The following CDC42BPA variants were observed in gnomAD, a reference collection of about 807,000 sequenced individuals.
The protein encoded by CDC42BPA is CDC42 binding protein kinase alpha.
CDC42BPA carries 80 observed loss-of-function variants against 223.5 expected under a neutral mutation model. The ratio of observed to expected loss-of-function variants is 0.36; its 90% CI spans 0.30 to 0.43. The LOEUF is 0.43. Ranked by LOEUF, CDC42BPA falls within the 20% of genes least tolerant of loss-of-function variation. CDC42BPA has a pLI of 1.00. For synonymous variants in CDC42BPA, 694 were observed against 718.6 expected (o/e 0.97, Z 0.55); for missense variants, 1,743 against 2,099.9 (o/e 0.83, Z 3.32).
chr1:227,263,306 T>G (rs1684412924), intron 1 of CDC42BPA, among the ~76,000 whole-genome samples: 1 of 152,196 alleles, frequency 6.6e-6, no homozygotes, highest in Non-Finnish European at 1.5e-5. Context: ...ATATAGTAGT[T>G]TATATAATAA....
At chr1:227,034,864 T>TA in intron 25 of CDC42BPA, 70 bp from the exon 26 acceptor site, 6 of 1,401,138 alleles carry the variant, frequency 4.3e-6, no homozygotes, top group Non-Finnish European at 5.9e-6. Context: ...ATTACATATG[T>TA]AATTGCATGG....
chr1:227,195,721 A>G (rs965748677), intron 4 of CDC42BPA, among the ~76,000 whole-genome samples: 1 of 151,944 alleles, frequency 6.6e-6, no homozygotes, highest in Admixed American at 6.6e-5. Context: ...TATTGTTCTG[A>G]TTGGTTAATT....
chr1:227,168,343 T>G (rs761545081), intron 5 of CDC42BPA, among the ~76,000 whole-genome samples: 1 of 152,152 alleles, frequency 6.6e-6, no homozygotes. Flanking sequence ...TATTTTCTAA[T>G]GAGAATTCAT....
chr1:227,249,132 C>A (rs1430030728), intron 2 of CDC42BPA, among the ~76,000 whole-genome samples: 1 of 152,134 alleles, frequency 6.6e-6, no homozygotes, highest in African/African-American at 2.4e-5. Context: ...AGGAAATCCA[C>A]ATACATACAG....
chr1:227,110,994 G>A (rs1286210508), intron 14 of CDC42BPA, among the ~76,000 whole-genome samples: 1 of 152,108 alleles, frequency 6.6e-6, no homozygotes, highest in Non-Finnish European at 1.5e-5. Context: ...CTTTGCCAGG[G>A]CCAAATTAAC....
rs140048962 is a variant in CDC42BPA, at chr1:226,994,475, C to A, written c.5134-76G>T. On this transcript the variant is annotated intron_variant, in intron 36 of 36. Transcript: ENST00000366766. This position sits in a 1 kb window ranked among gnomAD's most constrained non-coding sequence, Gnocchi z 4.0. ...GCAGAAGGGGCTCAGATTACCACCG[C>A]CCCCTCCAGCCACCCTGACCAAATA... 2 of 1,434,388 alleles carry A rather than the reference C, an allele frequency of 1.4e-6. No homozygotes were observed. Among genetic ancestry groups the A allele is most frequent in the Non-Finnish European group, 9.2e-7 (1 of 1,086,016 alleles). 88.9% of individuals were successfully genotyped at this position (1,434,388 alleles called of 1,614,324 possible). A position where few individuals can be genotyped will look rare whatever the true frequency, so the allele number is the denominator to read the frequency against.
chr1:227,267,376 G>T (rs1338703389), intron 1 of CDC42BPA, among the ~76,000 whole-genome samples: 2 of 152,170 alleles, frequency 1.3e-5, no homozygotes, highest in Non-Finnish European at 2.9e-5. Context: ...TGTGAGAGGG[G>T]AAGGAATAGT....
rs1280712426 is a variant in CDC42BPA at position 227,226,639 on chromosome 1, T to C, written c.271-13420A>G. ...GACCAGCCAAGAAATATTCAGTTAC[T>C]GAAGAATAAGAGCCAGGAACATTGA... On this transcript the variant is annotated intron_variant, in intron 2 of 36. Coordinates refer to ENST00000366766, the MANE Select transcript of CDC42BPA (RefSeq NM_001394014.1). Among the ~76,000 whole-genome samples, 3 of 152,288 alleles carry C rather than the reference T, an allele frequency of 2.0e-5. No homozygotes were observed. In the East Asian group the frequency reaches 5.8e-4, roughly 29 times the overall value.
At chr1:227,031,656 T>C (rs1405077547) in intron 27 of CDC42BPA, 142 bp from the exon 28 acceptor site, 1 of 654,658 alleles carries the variant, frequency 1.5e-6, no homozygotes, top group African/African-American at 1.8e-5. Flanking sequence ...CAGCTATTCC[T>C]AATCAGAATA....
intron 5 of CDC42BPA, among the ~76,000 whole-genome samples, chr1:227,177,460 G>A: frequency 6.6e-6 from 1 of 152,080 alleles, no homozygotes; most frequent in Middle Eastern, 3.2e-3. Context: ...AGAAATCTGA[G>A]ATCATTCCAT....
At chr1:227,177,402 C>T (rs1667153247) in intron 5 of CDC42BPA, among the ~76,000 whole-genome samples, 1 of 152,128 alleles carries the variant, frequency 6.6e-6, no homozygotes, top group South Asian at 2.1e-4. Context: ...TTCTTCCTCT[C>T]AATACTCTGA....
chr1:227,197,604 T>C (rs1670965653), intron 4 of CDC42BPA, among the ~76,000 whole-genome samples: 1 of 152,162 alleles, frequency 6.6e-6, no homozygotes, highest in Admixed American at 6.5e-5. Flanking sequence ...TTTTGCTATA[T>C]AAAATTTGGT....
At chr1:227,005,650 C>T (rs771523061) in intron 34 of CDC42BPA, among the ~76,000 whole-genome samples, 5 of 152,168 alleles carry the variant, frequency 3.3e-5, no homozygotes, top group Non-Finnish European at 5.9e-5. Context: ...AGAAATAAGA[C>T]GCTGCAATAC....
chr1:227,273,526 A>C (rs1197519479), intron 1 of CDC42BPA, among the ~76,000 whole-genome samples: 1 of 145,710 alleles, frequency 6.9e-6, no homozygotes, highest in East Asian at 2.2e-4. Flanking sequence ...CAAGAGCGAA[A>C]CTCTGTCTCA....
chr1:227,238,521 G>A (rs906506773), intron 2 of CDC42BPA, among the ~76,000 whole-genome samples: 1 of 152,062 alleles, frequency 6.6e-6, no homozygotes, highest in African/African-American at 2.4e-5. Flanking sequence ...CAATGACAGA[G>A]AAGAGTAGTT....
chr1:227,074,663 C>A (rs1213489605), intron 17 of CDC42BPA, among the ~76,000 whole-genome samples: 2 of 152,098 alleles, frequency 1.3e-5, no homozygotes, highest in Non-Finnish European at 2.9e-5. Flanking sequence ...TTAAATCTAA[C>A]AATTAACACA....
chr1:227,006,168 G>A (rs1446737795), intron 34 of CDC42BPA, among the ~76,000 whole-genome samples: 1 of 152,144 alleles, frequency 6.6e-6, no homozygotes, highest in Non-Finnish European at 1.5e-5. Flanking sequence ...TGATGCAAAT[G>A]GTCTGGATTT....
At chr1:227,123,376 A>C (rs1236571143) in intron 11 of CDC42BPA, among the ~76,000 whole-genome samples, 4 of 152,202 alleles carry the variant, frequency 2.6e-5, no homozygotes, top group Non-Finnish European at 4.4e-5. Flanking sequence ...GGTGCTATTT[A>C]GGACTATAAA....
intron 23 of CDC42BPA, among the ~76,000 whole-genome samples, chr1:227,041,407 T>C (rs1671351174): frequency 6.6e-6 from 1 of 152,152 alleles, no homozygotes; most frequent in African/African-American, 2.4e-5. Flanking sequence ...AAATGTGTGA[T>C]TGATTTAAAC....
Sources: allele counts gnomAD v4.1 joint callset (sites outside exome capture counted in the v4.1 genomes callset), GRCh38; gene constraint gnomAD v4.1.1; non-coding constraint Gnocchi (gnomAD v3.1); transcripts MANE v1.5; gene names NCBI Gene and HGNC (gene_info 2026-07-23, HGNC 2026-07-21).